Variants in RAP1B observed in about 807,000 individuals in gnomAD.
RAP1B encodes ras-related protein Rap-1b.
A neutral mutation model predicts 27.5 loss-of-function variants in RAP1B; 1 was observed. The observed-to-expected ratio is 0.04, with a 90% CI of 0.01 to 0.17. The LOEUF (loss-of-function observed/expected upper bound fraction) is 0.17. Ranked by LOEUF, RAP1B falls within the 10% of genes least tolerant of loss-of-function variation. RAP1B has a pLI of 1.00. For missense variants in RAP1B, 84 were observed against 214.8 expected (o/e 0.39, Z 3.81); for synonymous variants, 75 against 73.1 (o/e 1.03, Z -0.13).
chr12:68,654,531 G>T (rs996233238), intron 5 of RAP1B, among the ~76,000 whole-genome samples: 2 of 149,336 alleles, frequency 1.3e-5, no homozygotes, highest in Non-Finnish European at 3.0e-5. Context: ...TTGCACTGTT[G>T]CCCAGGCTGA....
chr12:68,617,494 A>G (rs1871108975), intron 1 of RAP1B, among the ~76,000 whole-genome samples: 1 of 152,230 alleles, frequency 6.6e-6, no homozygotes, highest in South Asian at 2.1e-4. Context: ...TAGTGTACTG[A>G]TTTGTATTTA....
At chr12:68,612,281 T>C (rs904665865) in intron 1 of RAP1B, among the ~76,000 whole-genome samples, 3 of 152,244 alleles carry the variant, frequency 2.0e-5, no homozygotes, top group African/African-American at 4.8e-5. Context: ...GAATACTGTT[T>C]GGACTTGCTC....
At chr12:68,637,062 G>C (rs1206710730) in intron 1 of RAP1B, among the ~76,000 whole-genome samples, 1 of 152,130 alleles carries the variant, frequency 6.6e-6, no homozygotes, top group Non-Finnish European at 1.5e-5. Flanking sequence ...CCTATAAAAA[G>C]ATAACTTACT....
intron 1 of RAP1B, among the ~76,000 whole-genome samples, chr12:68,637,922 CT>C (rs1005619471): frequency 7.7e-4 from 117 of 151,560 alleles, no homozygotes; most frequent in African/African-American, 2.0e-3. Context: ...AATATGGGTC[CT>C]TTTTTTTAAT....
In RAP1B at chr12:68,665,145, A is replaced by G. The variant is rs1458054247; in HGVS notation, c.*5896A>G. The G allele has an allele frequency of 6.6e-6, 1 of 152,256 alleles. No homozygotes were observed. The highest frequency in any genetic ancestry group is 1.5e-5 in the Non-Finnish European group (1 of 68,074). 9.4% of individuals were successfully genotyped at this position (152,256 alleles called of 1,614,324 possible). On this transcript the variant is annotated 3_prime_UTR_variant, in exon 8 of 8. Transcript: ENST00000250559. ...TCACTTGACAAAAGTATCTTTCCCT[A>G]CTGGAAATGGAATAGAATCGGATGG...
At chr12:68,614,527 A>G (rs1668604634) in intron 1 of RAP1B, among the ~76,000 whole-genome samples, 1 of 152,214 alleles carries the variant, frequency 6.6e-6, no homozygotes, top group Non-Finnish European at 1.5e-5. Flanking sequence ...TCTATAGAAA[A>G]GTTAGGTAAA....
chr12:68,632,363 G>A (rs1872330278), intron 1 of RAP1B, among the ~76,000 whole-genome samples: 1 of 151,794 alleles, frequency 6.6e-6, no homozygotes, highest in Non-Finnish European at 1.5e-5. Flanking sequence ...CAAACTCCTG[G>A]CCTCAAGTGA....
chr12:68,654,044 CTG>C (rs537839657), intron 4 of RAP1B, 66 bp from the exon 5 acceptor site: 43 of 1,312,526 alleles, frequency 3.3e-5, no homozygotes, highest in East Asian at 2.6e-4. Context: ...TAATTATAGA[CTG>C]TGAAAATTGT....
intron 6 of RAP1B, chr12:68,656,759 G>A (rs1054361616): frequency 2.3e-5 from 12 of 523,464 alleles, no homozygotes; most frequent in African/African-American, 4.0e-5. Context: ...GTAAAATTCC[G>A]AAAAGTATGC....
At chr12:68,639,663 AG>A (rs1872859373) in intron 1 of RAP1B, among the ~76,000 whole-genome samples, 1 of 152,198 alleles carries the variant, frequency 6.6e-6, no homozygotes, top group Non-Finnish European at 1.5e-5. Flanking sequence ...GAGCTGGCAC[AG>A]GAACTCACCA....
chr12:68,652,720 A>T (rs939370946), intron 4 of RAP1B, among the ~76,000 whole-genome samples: 1 of 152,204 alleles, frequency 6.6e-6, no homozygotes, highest in Non-Finnish European at 1.5e-5. Flanking sequence ...TGGGAGGCTG[A>T]GGCAGGAGAA....
chr12:68,643,140 G>GGTA (rs1339799761), intron 1 of RAP1B: 2 of 573,900 alleles, frequency 3.5e-6, no homozygotes, highest in Non-Finnish European at 6.1e-6. Flanking sequence ...CACTTTAAAT[G>GGTA]GTAGTACATG....
chr12:68,628,372 C>T (rs907379428), intron 1 of RAP1B, among the ~76,000 whole-genome samples: 11 of 152,174 alleles, frequency 7.2e-5, no homozygotes, highest in African/African-American at 1.4e-4. Context: ...TTTTGTAATA[C>T]GGTTTCGGGT....
intron 1 of RAP1B, chr12:68,627,023 C>A: frequency 6.3e-7 from 1 of 1,582,106 alleles, no homozygotes; most frequent in South Asian, 1.1e-5. Flanking sequence ...AGATGTGGAT[C>A]TTCTGGCGGC....
chr12:68,645,641 G>GAAC (rs1873350968), intron 1 of RAP1B, among the ~76,000 whole-genome samples: 1 of 152,200 alleles, frequency 6.6e-6, no homozygotes, highest in South Asian at 2.1e-4. Flanking sequence ...GTTGCTTATT[G>GAAC]AACAGAGTTG....
chr12:68,629,550 T>C (rs1423278708), intron 1 of RAP1B, among the ~76,000 whole-genome samples: 6 of 152,234 alleles, frequency 3.9e-5, no homozygotes, highest in African/African-American at 1.2e-4. Flanking sequence ...GATTAGATTT[T>C]CATTTTAAAT....
rs34691581 is a variant in RAP1B at position 68,616,578 on chromosome 12, C to T, written c.-27+5535C>T. 2.6e-5 allele frequency among the ~76,000 whole-genome samples: 4 copies of T among 151,566 alleles called. 1 individual carries two copies. Among genetic ancestry groups the T allele is most frequent in the Non-Finnish European group, 1.5e-5 (1 of 67,922 alleles). ...CTCCTGCCTTAGCTAGTACTACAGG[C>T]GCACACCACCGCACCCAGCTAAGTT... On this transcript the variant is annotated intron_variant, in intron 1 of 7. Transcript: ENST00000250559.
At chr12:68,635,385 G>A (rs1872559609) in intron 1 of RAP1B, among the ~76,000 whole-genome samples, 2 of 152,132 alleles carry the variant, frequency 1.3e-5, no homozygotes, top group African/African-American at 4.8e-5. Flanking sequence ...GAGATGGAAA[G>A]GAGAAATCAA....
chr12:68,633,397 C>T (rs1285356788), intron 1 of RAP1B, among the ~76,000 whole-genome samples: 1 of 152,178 alleles, frequency 6.6e-6, no homozygotes, highest in East Asian at 1.9e-4. Flanking sequence ...CAATTGTTCT[C>T]TTCTCTGCAT....
Sources: allele counts gnomAD v4.1 joint callset (sites outside exome capture counted in the v4.1 genomes callset), GRCh38; gene constraint gnomAD v4.1.1; transcripts MANE v1.5; gene names NCBI Gene and HGNC (gene_info 2026-07-23, HGNC 2026-07-21).